The following ATP9A variants were observed in gnomAD, a reference collection of about 807,000 sequenced individuals.
The protein encoded by ATP9A is probable phospholipid-transporting ATPase IIA.
ATP9A carries 52 observed loss-of-function variants against 144.1 expected under a neutral mutation model. The ratio of observed to expected loss-of-function variants is 0.36; its 90% CI spans 0.29 to 0.45. The LOEUF is 0.45. Ranked by LOEUF, ATP9A falls within the 20% of genes least tolerant of loss-of-function variation. The probability of loss-of-function intolerance (pLI) is 1.00; values close to 1 mark genes in which losing one functional copy is unlikely to be tolerated. For missense variants in ATP9A, 947 were observed against 1,392.7 expected (o/e 0.68, Z 5.09); for synonymous variants, 582 against 557.4 (o/e 1.04, Z -0.62).
Position 51,729,936 on chromosome 20 carries a change from C to T in ATP9A, c.111G>A (p.Arg37=), listed in dbSNP as rs768078505. 6.3e-7 allele frequency: 1 copy of T among 1,583,540 alleles called. No individual in the cohort carries two copies. Among genetic ancestry groups the T allele is most frequent in the Admixed American group, 2.0e-5 (1 of 51,026 alleles). ...WLRCCGGGEA[R]PRTVWLGHPE... is the part of the protein sequence containing the mutation. ...GGTGCCCCAGCCAGACAGTGCGGGG[C>T]CTGGCCTCCCCTCCACCGCAGCATC... The change falls in exon 2 of 28, where the codon AGG becomes AGA. Residue 37 remains arginine (R), a synonymous_variant. Coordinates refer to ENST00000338821, the MANE Select transcript of ATP9A (RefSeq NM_006045.3).
intron 4 of ATP9A, among the ~76,000 whole-genome samples, chr20:51,698,630 T>A (rs2077580385): frequency 6.6e-6 from 1 of 151,708 alleles, no homozygotes; most frequent in Non-Finnish European, 1.5e-5. Flanking sequence ...AAATAATGGA[T>A]GAAAGGGGTT....
intron 14 of ATP9A, among the ~76,000 whole-genome samples, chr20:51,651,156 A>ATATATATATATATATATG (rs11268017): frequency 0.4 from 50,761 of 126,270 alleles, 12,108 homozygotes; most frequent in East Asian, 0.75. Context: ...CTCTCTCCAT[A>ATATATATATATATATATG]TATATATATA....
chr20:51,751,883 C>T (rs2904107), intron 1 of ATP9A, among the ~76,000 whole-genome samples: 135,006 of 152,130 alleles, frequency 0.89, 60,115 homozygotes, highest in African/African-American at 0.93. Flanking sequence ...CCACCGCGCC[C>T]GGCCGCTCCT....
intron 13 of ATP9A, among the ~76,000 whole-genome samples, chr20:51,657,438 C>T (rs1028606643): frequency 1.3e-5 from 2 of 152,136 alleles, no homozygotes; most frequent in East Asian, 1.9e-4. Context: ...GGGGTGGTGT[C>T]GGGGGCTTTT....
intron 1 of ATP9A, chr20:51,734,750 G>C: frequency 4.8e-6 from 1 of 210,006 alleles, no homozygotes; most frequent in South Asian, 8.5e-5. Context: ...TTGCCAAGAA[G>C]TACAAGAAGA....
At chr20:51,613,529 G>T in intron 23 of ATP9A, 148 bp downstream of exon 23, 1 of 884,166 alleles carries the variant, frequency 1.1e-6, no homozygotes, top group Non-Finnish European at 1.6e-6. Context: ...GCGAGGTAGG[G>T]GTGACAGCTC....
intron 15 of ATP9A, among the ~76,000 whole-genome samples, chr20:51,637,609 T>C (rs961517065): frequency 2.0e-5 from 3 of 151,990 alleles, no homozygotes; most frequent in African/African-American, 7.2e-5. Flanking sequence ...AAGCCAAGCC[T>C]TAGCTGAAAA....
At chr20:51,656,902 G>A in intron 14 of ATP9A, 36 bp downstream of exon 14, 1 of 1,583,428 alleles carries the variant, frequency 6.3e-7, no homozygotes, top group Non-Finnish European at 8.6e-7. Context: ...AACAAGCAGG[G>A]CCTCCCCATG....
intron 24 of ATP9A, 74 bp from the exon 25 acceptor site, chr20:51,608,700 C>T (rs955095655): frequency 1.1e-6 from 1 of 898,968 alleles, no homozygotes; most frequent in South Asian, 1.3e-5. Context: ...GCCTCCGGCA[C>T]CCAAGTCCCA....
At chr20:51,622,965 C>G (rs143168993) in intron 18 of ATP9A, among the ~76,000 whole-genome samples, 2 of 152,160 alleles carry the variant, frequency 1.3e-5, no homozygotes, top group African/African-American at 4.8e-5. Flanking sequence ...CCAGCACCCA[C>G]GCTGAGCTCT....
chr20:51,653,902 T>C (rs2077377128), intron 14 of ATP9A, among the ~76,000 whole-genome samples: 1 of 152,216 alleles, frequency 6.6e-6, no homozygotes, highest in Non-Finnish European at 1.5e-5. Flanking sequence ...ACCCACAGGT[T>C]ACTGGTTCCA....
chr20:51,671,439 G>A lies in ATP9A; in HGVS notation c.1038-182C>T, dbSNP rs1034338778. 1.1e-4 allele frequency among the ~76,000 whole-genome samples: 16 copies of A among 151,884 alleles called. No individual in the cohort carries two copies. The South Asian group carries it at 1.5e-3, about 14-fold the overall frequency. On this transcript the variant is annotated intron_variant, in intron 11 of 27. Coordinates refer to ENST00000338821, the MANE Select transcript of ATP9A (RefSeq NM_006045.3). ...CCAGCACCACCGTCAAGTCACACACGGAACAAATCCATTATTGTCACAAAG... is the reference window on the plus strand; with the variant it reads ...CCAGCACCACCGTCAAGTCACACACAGAACAAATCCATTATTGTCACAAAG...
chr20:51,688,929 G>T, intron 9 of ATP9A, 135 bp downstream of exon 9: 1 of 966,040 alleles, frequency 1.0e-6, no homozygotes, highest in Non-Finnish European at 1.6e-6. Context: ...TTAATTCCCT[G>T]GAGGTGTCGG....
At chr20:51,619,131 A>G in intron 19 of ATP9A, 88 bp from the exon 20 acceptor site, 1 of 1,150,680 alleles carries the variant, frequency 8.7e-7, no homozygotes, top group African/African-American at 1.5e-5. Context: ...CCACATGAAG[A>G]CAACGGCCAC....
intron 1 of ATP9A, among the ~76,000 whole-genome samples, chr20:51,743,395 G>GTTTTTTTTT (rs1489280599): frequency 1.4e-4 from 6 of 43,418 alleles, no homozygotes; most frequent in East Asian, 4.5e-4. Context: ...GACCGAAACT[G>GTTTTTTTTT]ATTTTTTTTT....
chr20:51,700,350 G>A (rs2077588116), intron 4 of ATP9A, among the ~76,000 whole-genome samples: 1 of 152,096 alleles, frequency 6.6e-6, no homozygotes, highest in Non-Finnish European at 1.5e-5. Context: ...GCAAGACCCT[G>A]TCTCTACAAC....
chr20:51,651,282 A>ATATATTATATAATATATATTTACATT lies in ATP9A; in HGVS notation c.1506+5655_1506+5656insAATGTAAATATATATTATATAATATA, dbSNP rs1568803490. On this transcript the variant is annotated intron_variant, in intron 14 of 27. Transcript: ENST00000338821. ...TATATTATATAATATATATTTACAT[A>ATATATTATATAATATATATTTACATT]ATATATTATATAATATATATTTACA... Among the ~76,000 whole-genome samples the ATATATTATATAATATATATTTACATT allele has an allele frequency of 5.1e-3, 429 of 83,812 alleles. 84 individuals carry two copies. Among genetic ancestry groups the ATATATTATATAATATATATTTACATT allele is most frequent in the East Asian group, 0.011 (24 of 2,176 alleles). The allele number at this position is 83,812 out of a possible 152,430, so 55.0% of individuals were successfully genotyped here. A position where few individuals can be genotyped will look rare whatever the true frequency, so the allele number is the denominator to read the frequency against.
At chr20:51,726,174 G>A (rs574215375) in intron 2 of ATP9A, among the ~76,000 whole-genome samples, 4 of 151,892 alleles carry the variant, frequency 2.6e-5, no homozygotes, top group African/African-American at 7.3e-5. Flanking sequence ...TTAGCCAGGC[G>A]TGGTGGCAGG....
At position 51,607,672 on chromosome 20, in the gene ATP9A, C is replaced by T. The variant is rs556677861; in HGVS notation, c.2746-88G>A. ...AGCTTTCACGTTATTCTCCCGCTAA[C>T]GAGATAAGGCAACCCATCTGTCTTC... On this transcript the variant is annotated intron_variant, in intron 25 of 27. Transcript: ENST00000338821. 526 of 951,500 alleles carry T rather than the reference C, an allele frequency of 5.5e-4. 7 individuals carry two copies. In the South Asian group the frequency reaches 6.9e-3, roughly 12 times the overall value. 58.9% of individuals were successfully genotyped at this position (951,500 alleles called of 1,614,324 possible).
Sources: allele counts gnomAD v4.1 joint callset (sites outside exome capture counted in the v4.1 genomes callset), GRCh38; gene constraint gnomAD v4.1.1; transcripts MANE v1.5; gene names NCBI Gene and HGNC (gene_info 2026-07-23, HGNC 2026-07-21).